Variants in SLC25A12 observed in about 807,000 individuals in gnomAD.
The protein encoded by SLC25A12 is electrogenic aspartate/glutamate antiporter SLC25A12, mitochondrial.
In SLC25A12, 32 loss-of-function variants were observed where a neutral mutation model predicts 83.3. The ratio of observed to expected loss-of-function variants is 0.38; its 90% CI spans 0.29 to 0.52. The LOEUF is 0.52. Among genes scored for constraint, SLC25A12 ranks in the 20% least tolerant of loss-of-function variants. SLC25A12 has a pLI of 0.84. For synonymous variants in SLC25A12, 267 were observed against 291.1 expected, an observed-to-expected ratio of 0.92 and a Z score of 0.84; for missense variants, 611 against 835.6, an observed-to-expected ratio of 0.73 and a Z score of 3.31.
At chr2:171,816,521 T>A (rs1684053211) in intron 9 of SLC25A12, among the ~76,000 whole-genome samples, 1 of 152,170 alleles carries the variant, frequency 6.6e-6, no homozygotes, top group South Asian at 2.1e-4. Context: ...ATAAGGTAAA[T>A]AAGATGTAAA....
Position 171,793,690 on chromosome 2 carries a change from G to A in SLC25A12, c.1383C>T (p.Thr461=). 1 of 1,614,116 alleles carries A rather than the reference G, an allele frequency of 6.2e-7. No individual in the cohort carries two copies. Among genetic ancestry groups the A allele is most frequent in the Non-Finnish European group, 8.5e-7 (1 of 1,180,016 alleles). ...TCAGGGCGCTGACTCTGGGTCCCGT[G>A]GTGATCTCTCCAGCTACTTGCAGAC... ...KIRLQVAGEI[T]TGPRVSALNV... The change falls in exon 14 of 18, where the codon ACC becomes ACT. Residue 461 remains threonine, a synonymous_variant. Coordinates refer to ENST00000422440, the MANE Select transcript of SLC25A12 (RefSeq NM_003705.5).
At chr2:171,811,466 A>C (rs1303007442) in intron 11 of SLC25A12, among the ~76,000 whole-genome samples, 1 of 152,222 alleles carries the variant, frequency 6.6e-6, no homozygotes, top group African/African-American at 2.4e-5. Flanking sequence ...ACTCGCCTCA[A>C]TAAGGCTCAT....
At chr2:171,869,879 A>G (rs965791253) in intron 2 of SLC25A12, among the ~76,000 whole-genome samples, 5 of 152,384 alleles carry the variant, frequency 3.3e-5, no homozygotes, top group African/African-American at 1.2e-4. Flanking sequence ...ATCCAAATGA[A>G]GTGAAAATTC....
At chr2:171,860,498 T>C (rs1685131720) in intron 3 of SLC25A12, among the ~76,000 whole-genome samples, 1 of 151,726 alleles carries the variant, frequency 6.6e-6, no homozygotes, top group Non-Finnish European at 1.5e-5. Context: ...GCTATTTGGG[T>C]GGCTGAAGTA....
At position 171,815,140 on chromosome 2, in the gene SLC25A12, A is replaced by G; in HGVS notation, c.993T>C (p.Thr331=). Residue 331 remains threonine, a synonymous_variant, in exon 10 of 18, where the codon ACT becomes ACC. Transcript: ENST00000422440. ...ACTCACCTCCAGCAACTGAGCCCAG[A>G]GTGAATCTGTAAGCAGACTCGGCAA... The part of the protein sequence containing the change: ...LQIAESAYRF[T]LGSVAGAVGA... 2.5e-6 allele frequency: 4 copies of G among 1,613,760 alleles called. No individual in the cohort carries two copies. Among genetic ancestry groups the G allele is most frequent in the African/African-American group, 1.3e-5 (1 of 75,014 alleles).
chr2:171,833,415 GAAGA>G (rs1684487068), intron 8 of SLC25A12, among the ~76,000 whole-genome samples: 1 of 152,030 alleles, frequency 6.6e-6, no homozygotes, highest in Non-Finnish European at 1.5e-5. Context: ...TAACAGAGGA[GAAGA>G]AAGAAACACA....
In SLC25A12 at chr2:171,834,881, A is replaced by G; in HGVS notation, c.613-16T>C. On this transcript the variant is annotated splice_polypyrimidine_tract_variant and intron_variant, in intron 6 of 17. Coordinates refer to ENST00000422440, the MANE Select transcript of SLC25A12 (RefSeq NM_003705.5). ...CTCCAGCTGCCTAGAAAATGACAAC[A>G]CAAAAAGTTTAAAAAACAAACAAAA... is the stretch of plus-strand genomic sequence containing the variant. 2 of 1,612,602 alleles carry G rather than the reference A, an allele frequency of 1.2e-6. No homozygotes were observed. Among genetic ancestry groups the G allele is most frequent in the Non-Finnish European group, 1.7e-6 (2 of 1,179,298 alleles).
intron 2 of SLC25A12, among the ~76,000 whole-genome samples, chr2:171,888,094 CTTTT>C (rs1194293544): frequency 2.9e-5 from 4 of 137,076 alleles, no homozygotes; most frequent in African/African-American, 2.7e-5. Flanking sequence ...TTCTTTTTTC[CTTTT>C]TTTTTTTTTT....
rs1690461954 is a variant in SLC25A12, at chr2:171,785,089, CGTT to C, written c.*182_*184del. 1 of 608,640 alleles carries C rather than the reference CGTT, an allele frequency of 1.6e-6. No homozygotes were observed. The highest frequency in any genetic ancestry group is 2.9e-6 in the Non-Finnish European group (1 of 339,344). 37.7% of individuals were successfully genotyped at this position (608,640 alleles called of 1,614,324 possible). On this transcript the variant is annotated 3_prime_UTR_variant, in exon 18 of 18. Transcript: ENST00000422440. ...CACATAAGACTAAAGCTTGAAACAGCGTTGTGGTTTTTTCCCTGGGCAAATGAT... is the reference window on the plus strand; with the variant it reads ...CACATAAGACTAAAGCTTGAAACAGCGTGGTTTTTTCCCTGGGCAAATGAT...
At chr2:171,891,895 T>C (rs111256504) in intron 2 of SLC25A12, among the ~76,000 whole-genome samples, 5 of 152,358 alleles carry the variant, frequency 3.3e-5, no homozygotes, top group Admixed American at 1.3e-4. Context: ...TCACAAATTA[T>C]TTTTCATAAA....
intron 2 of SLC25A12, among the ~76,000 whole-genome samples, chr2:171,875,058 C>T (rs932824395): frequency 2.0e-5 from 3 of 152,178 alleles, no homozygotes; most frequent in Admixed American, 2.0e-4. Flanking sequence ...GTAACTTTCC[C>T]TTAGCCTCTG....
rs147997271 is a variant in SLC25A12, at chr2:171,829,798, T to C, written c.846-2916A>G. On this transcript the variant is annotated intron_variant, in intron 8 of 17. Transcript: ENST00000422440. ...TGCACCCTGTTGGAAAAGGAATGAA[T>C]CTTTGAGGCCACTTGCCGAGAAGCA... is the stretch of plus-strand genomic sequence containing the variant. Among the ~76,000 whole-genome samples, 29 of 152,304 alleles carry C rather than the reference T, an allele frequency of 1.9e-4. 1 individual carries two copies. Among genetic ancestry groups the C allele is most frequent in the African/African-American group, 6.5e-4 (27 of 41,562 alleles).
intron 2 of SLC25A12, among the ~76,000 whole-genome samples, chr2:171,876,551 G>C (rs928266015): frequency 7.1e-6 from 1 of 140,482 alleles, no homozygotes; most frequent in African/African-American, 2.6e-5. Flanking sequence ...TTTGGGGGGG[G>C]GGGGACTCAA....
intron 3 of SLC25A12, 140 bp downstream of exon 3, chr2:171,868,541 C>A: frequency 2.6e-6 from 2 of 757,498 alleles, no homozygotes; most frequent in East Asian, 5.7e-5. Flanking sequence ...CTCAAACTCC[C>A]GACCTCAGGT....
At chr2:171,817,009 GAA>G (rs1684062724) in intron 9 of SLC25A12, among the ~76,000 whole-genome samples, 1 of 152,106 alleles carries the variant, frequency 6.6e-6, no homozygotes, top group Non-Finnish European at 1.5e-5. Flanking sequence ...GCCATTATAA[GAA>G]AAGACACAAG....
At chr2:171,819,150 AAT>A (rs1038517010) in intron 9 of SLC25A12, among the ~76,000 whole-genome samples, 4 of 136,850 alleles carry the variant, frequency 2.9e-5, no homozygotes, top group Non-Finnish European at 4.6e-5. Context: ...ATAAATATAA[AAT>A]ATATGATATA....
At chr2:171,806,739 G>T (rs1683841029) in intron 13 of SLC25A12, among the ~76,000 whole-genome samples, 1 of 152,166 alleles carries the variant, frequency 6.6e-6, no homozygotes, top group Admixed American at 6.5e-5. Flanking sequence ...CCTGCAATAG[G>T]TTAATGTATT....
intron 3 of SLC25A12, among the ~76,000 whole-genome samples, chr2:171,858,754 T>C (rs1418294197): frequency 6.6e-6 from 1 of 152,200 alleles, no homozygotes; most frequent in East Asian, 1.9e-4. Flanking sequence ...ACCAGCCCCT[T>C]GAAGACAAGC....
intron 15 of SLC25A12, among the ~76,000 whole-genome samples, chr2:171,790,756 G>A (rs1318897277): frequency 6.6e-6 from 1 of 151,712 alleles, no homozygotes; most frequent in Non-Finnish European, 1.5e-5. Flanking sequence ...CACCCAGGCT[G>A]GAGTACAGTG....
Sources: gnomAD v4.1 joint callset for allele counts (sites outside exome capture counted in the v4.1 genomes callset) on GRCh38, gnomAD v4.1.1 for gene constraint, MANE v1.5 for transcripts, NCBI Gene and HGNC (gene_info 2026-07-23, HGNC 2026-07-21) for gene names.